Variants in RNASEH2B observed in about 807,000 individuals in gnomAD.
RNASEH2B encodes ribonuclease H2 subunit B, also known as Aicardi-Goutieres syndrome 2 protein.
RNASEH2B carries 36 observed loss-of-function variants against 45.0 expected under a neutral mutation model. That is an observed-to-expected ratio of 0.80 (90% CI 0.61 to 1.06). The LOEUF is 1.06. Among genes scored for constraint, RNASEH2B ranks in the 50% least tolerant of loss-of-function variants. RNASEH2B has a pLI of 0.00. For synonymous variants in RNASEH2B, 119 were observed against 125.7 expected (o/e 0.95, Z 0.35); for missense variants, 361 against 360.3 (o/e 1.00, Z -0.02).
At chr13:50,926,613 T>G (rs971074234) in intron 1 of RNASEH2B, among the ~76,000 whole-genome samples, 3 of 152,110 alleles carry the variant, frequency 2.0e-5, no homozygotes, top group African/African-American at 7.2e-5. Context: ...ATAGTCCAGA[T>G]AGGTTAAAAA....
chr13:50,926,019 T>A (rs1403147265), intron 1 of RNASEH2B, among the ~76,000 whole-genome samples: 3 of 152,212 alleles, frequency 2.0e-5, no homozygotes. Context: ...CGGTCCTGCA[T>A]GGCTTGTGTG....
intron 5 of RNASEH2B, chr13:50,941,101 G>A (rs1030468578): frequency 2.6e-5 from 4 of 152,188 alleles, no homozygotes; most frequent in Non-Finnish European, 5.9e-5. Flanking sequence ...AATGTGCCTA[G>A]CACAGACCTG....
At chr13:50,943,516 T>C (rs1951859579) in intron 6 of RNASEH2B, 122 bp downstream of exon 6, 1 of 748,718 alleles carries the variant, frequency 1.3e-6, no homozygotes, top group African/African-American at 1.7e-5. Flanking sequence ...AAGAGGAAAA[T>C]TGTGTAGAGA....
At chr13:50,964,530 A>T (rs1005359607) in intron 9 of RNASEH2B, among the ~76,000 whole-genome samples, 1 of 152,212 alleles carries the variant, frequency 6.6e-6, no homozygotes, top group Non-Finnish European at 1.5e-5. Context: ...GGAGCTGCTT[A>T]AACACTTGCA....
intron 7 of RNASEH2B, among the ~76,000 whole-genome samples, chr13:50,947,512 A>G (rs1255347483): frequency 1.3e-5 from 2 of 152,006 alleles, no homozygotes; most frequent in African/African-American, 2.4e-5. Flanking sequence ...ACCTAGTAGT[A>G]GAGACATGGT....
chr13:50,927,180 C>T, intron 1 of RNASEH2B: 1 of 440,760 alleles, frequency 2.3e-6, no homozygotes, highest in Non-Finnish European at 4.2e-6. Context: ...TTCTAGACCC[C>T]TGCTTCTCAT....
intron 2 of RNASEH2B, among the ~76,000 whole-genome samples, chr13:50,927,753 T>C (rs1405186058): frequency 6.6e-6 from 1 of 152,234 alleles, no homozygotes; most frequent in African/African-American, 2.4e-5. Context: ...TTGAGTTCTC[T>C]TTAAAAACAG....
Position 50,910,075 on chromosome 13 carries a change from G to T in RNASEH2B, c.-2G>T, listed in dbSNP as rs1369063052. On this transcript the variant is annotated 5_prime_UTR_variant, in exon 1 of 11. Coordinates refer to ENST00000336617, the MANE Select transcript of RNASEH2B (RefSeq NM_024570.4). ...TGCGGCGCCCCGGAAGAGGCGGGCG[G>T]CATGGCCGCTGGCGTGGACTGCGGG... 3 of 1,463,324 alleles carry T rather than the reference G, an allele frequency of 2.1e-6. No homozygotes were observed. The highest frequency in any genetic ancestry group is 1.8e-6 in the Non-Finnish European group (2 of 1,112,146). 90.6% of individuals were successfully genotyped at this position (1,463,324 alleles called of 1,614,324 possible). A position where few individuals can be genotyped will look rare whatever the true frequency, so the allele number is the denominator to read the frequency against.
intron 4 of RNASEH2B, among the ~76,000 whole-genome samples, chr13:50,931,509 G>C (rs754552921): frequency 6.6e-6 from 1 of 152,080 alleles, no homozygotes; most frequent in East Asian, 1.9e-4. Flanking sequence ...TTAATGAGGC[G>C]TGTGGCATTG....
chr13:50,919,461 C>G (rs941683357), intron 1 of RNASEH2B, among the ~76,000 whole-genome samples: 4 of 152,242 alleles, frequency 2.6e-5, no homozygotes, highest in African/African-American at 9.6e-5. Context: ...TCCCTCCTTT[C>G]TCTTCCTTCT....
At chr13:50,949,047 C>A in intron 8 of RNASEH2B, 1 of 172,502 alleles carries the variant, frequency 5.8e-6, no homozygotes, top group Non-Finnish European at 1.2e-5. Context: ...AAAGGTATGC[C>A]AATTAAACTG....
In RNASEH2B at chr13:50,947,976, G is replaced by A. The variant is rs201473333; in HGVS notation, c.617-11G>A. ...TTTTTTTGCTTTCACTCCTCCTTCT[G>A]TTTCTTTCAGAGGATTATATTCGTT... On this transcript the variant is annotated splice_polypyrimidine_tract_variant and intron_variant, in intron 7 of 10. Coordinates refer to ENST00000336617, the MANE Select transcript of RNASEH2B (RefSeq NM_024570.4). 1 of 1,605,390 alleles carries A rather than the reference G, an allele frequency of 6.2e-7. No homozygotes were observed. The highest frequency in any genetic ancestry group is 8.5e-7 in the Non-Finnish European group (1 of 1,177,476).
In RNASEH2B at chr13:50,954,789, G is replaced by A. The variant is rs1442267723; in HGVS notation, c.822+804G>A. 3.3e-5 allele frequency: 5 copies of A among 152,286 alleles called. No individual in the cohort carries two copies. In the East Asian group the frequency reaches 9.6e-4, roughly 29 times the overall value. The allele number at this position is 152,286 out of a possible 1,614,324, so 9.4% of individuals were successfully genotyped here. A position where few individuals can be genotyped will look rare whatever the true frequency, so the allele number is the denominator to read the frequency against. ...AAAGTGCTTTTCAAAAATGGAGAAA[G>A]TTGTGCTTCCAAACATTATTGCCAA... On this transcript the variant is annotated intron_variant, in intron 10 of 10. Coordinates refer to ENST00000336617, the MANE Select transcript of RNASEH2B (RefSeq NM_024570.4).
At chr13:50,944,501 A>G (rs1343996290) in intron 6 of RNASEH2B, among the ~76,000 whole-genome samples, 1 of 152,150 alleles carries the variant, frequency 6.6e-6, no homozygotes, top group East Asian at 1.9e-4. Context: ...TATGTAATAC[A>G]TGTGGGGCTT....
intron 1 of RNASEH2B, among the ~76,000 whole-genome samples, chr13:50,916,387 T>C (rs1414673121): frequency 6.6e-6 from 1 of 152,194 alleles, no homozygotes; most frequent in African/African-American, 2.4e-5. Flanking sequence ...GGGGCTGTTT[T>C]TTTCCTCTTA....
chr13:50,940,371 T>C (rs1951819410), intron 5 of RNASEH2B, among the ~76,000 whole-genome samples: 1 of 152,226 alleles, frequency 6.6e-6, no homozygotes, highest in African/African-American at 2.4e-5. Context: ...GTGTGTCCAT[T>C]GTGTGAACAT....
chr13:50,954,934 G>A (rs1272693062), intron 10 of RNASEH2B: 13 of 152,002 alleles, frequency 8.6e-5, no homozygotes, highest in Non-Finnish European at 2.9e-5. Flanking sequence ...AATGCTTATG[G>A]CCCATTTGCA....
chr13:50,936,320 T>C (rs1240684543), intron 5 of RNASEH2B: 1 of 152,122 alleles, frequency 6.6e-6, no homozygotes, highest in Non-Finnish European at 1.5e-5. Context: ...GGCTGATAAG[T>C]TGTGGCTGTT....
intron 9 of RNASEH2B, among the ~76,000 whole-genome samples, chr13:50,961,867 T>C (rs1952114755): frequency 6.6e-6 from 1 of 152,186 alleles, no homozygotes; most frequent in Non-Finnish European, 1.5e-5. Context: ...TTTCCTTCTG[T>C]TCCTAGTTCA....
Sources: allele counts gnomAD v4.1 joint callset (sites outside exome capture counted in the v4.1 genomes callset), GRCh38; gene constraint gnomAD v4.1.1; transcripts MANE v1.5; gene names NCBI Gene and HGNC (gene_info 2026-07-23, HGNC 2026-07-21).